The following NFAM1 variants were observed in gnomAD, a reference collection of about 807,000 sequenced individuals.
NFAM1 encodes the protein NFAT activation molecule 1.
Under a neutral mutation model 29.0 loss-of-function variants are expected in NFAM1, and 17 were observed. That is an observed-to-expected ratio of 0.59 (90% confidence interval 0.40 to 0.88). NFAM1 has a LOEUF of 0.88. NFAM1 is among the 40% of genes least tolerant of loss of function. NFAM1 has a pLI of 0.00. For synonymous variants in NFAM1, 175 were observed against 147.2 expected, an observed-to-expected ratio of 1.19 and a Z score of -1.36; for missense variants, 324 against 344.6, an observed-to-expected ratio of 0.94 and a Z score of 0.47.
intron 3 of NFAM1, among the ~76,000 whole-genome samples, chr22:42,400,586 C>T (rs1601743105): frequency 6.6e-6 from 1 of 152,310 alleles, no homozygotes; most frequent in Middle Eastern, 3.4e-3. Flanking sequence ...CATTGCACTC[C>T]AGCCTGGGCA....
chr22:42,406,722 C>T (rs1299634705), intron 3 of NFAM1, among the ~76,000 whole-genome samples: 2 of 152,206 alleles, frequency 1.3e-5, no homozygotes, highest in East Asian at 1.9e-4. Context: ...GGTGCATCGT[C>T]GGTCTCGCCT....
intron 5 of NFAM1, among the ~76,000 whole-genome samples, chr22:42,385,568 C>G (rs531373917): frequency 2.0e-5 from 3 of 152,144 alleles, no homozygotes; most frequent in African/African-American, 4.8e-5. Context: ...GCGGGCTCAT[C>G]ATAGGGTCCC....
At position 42,382,906 on chromosome 22, in the gene NFAM1, C is replaced by A; in HGVS notation, c.*2255G>T. ...CAAGCACAGACGACCACCACGCTGG[C>A]AATGTCTCTGTCCACCAGAGGGGTG... On this transcript the variant is annotated 3_prime_UTR_variant, in exon 6 of 6. Coordinates refer to ENST00000329021, the MANE Select transcript of NFAM1 (RefSeq NM_145912.8). 6.5e-6 allele frequency: 1 copy of A among 152,836 alleles called. No individual in the cohort carries two copies. Among genetic ancestry groups the A allele is most frequent in the Non-Finnish European group, 1.5e-5 (1 of 68,352 alleles). The allele number at this position is 152,836 out of a possible 1,614,324, so 9.5% of individuals were successfully genotyped here.
chr22:42,400,434 A>G (rs916400495), intron 3 of NFAM1, among the ~76,000 whole-genome samples: 1 of 152,130 alleles, frequency 6.6e-6, no homozygotes, highest in African/African-American at 2.4e-5. Context: ...CCTGGCCAAC[A>G]TAGTGAAACC....
chr22:42,393,638 G>A (rs1929423189), intron 4 of NFAM1, among the ~76,000 whole-genome samples: 1 of 146,972 alleles, frequency 6.8e-6, no homozygotes. Context: ...GGATGGTCTC[G>A]ATCTCTTGAC....
rs992369083 is a variant in NFAM1, at chr22:42,414,668, G to A, written c.122-2932C>T. 4.0e-5 allele frequency among the ~76,000 whole-genome samples: 6 copies of A among 151,510 alleles called. No individual in the cohort carries two copies. In the South Asian group the frequency reaches 6.3e-4, roughly 16 times the overall value. On this transcript the variant is annotated intron_variant, in intron 1 of 5. Transcript: ENST00000329021. ...CCAGCAGCCCTGCACAGCACTCACA[G>A]GCCACTGCCCCCTCTGTGTACCTAC...
upstream of NFAM1, among the ~76,000 whole-genome samples, chr22:42,433,061 G>C (rs1459887313): frequency 6.6e-6 from 1 of 152,200 alleles, no homozygotes; most frequent in African/African-American, 2.4e-5. Flanking sequence ...CCAACTGTGA[G>C]ACCCTCGAAC....
chr22:42,411,019 CTTTTTTTT>C (rs138369373), intron 2 of NFAM1, among the ~76,000 whole-genome samples: 49 of 121,744 alleles, frequency 4.0e-4, no homozygotes, highest in Non-Finnish European at 5.2e-4. Context: ...CTTTTCTTTT[CTTTTTTTT>C]TTTTTTTTTT....
At chr22:42,424,116 A>T (rs1423537579) in intron 1 of NFAM1, among the ~76,000 whole-genome samples, 2 of 150,968 alleles carry the variant, frequency 1.3e-5, no homozygotes, top group Non-Finnish European at 3.0e-5. Flanking sequence ...CCATCTCTTT[A>T]AAAAAAAACA....
At chr22:42,434,090 C>T (rs1486775470), upstream of NFAM1, among the ~76,000 whole-genome samples, 2 of 152,114 alleles carry the variant, frequency 1.3e-5, no homozygotes, top group Non-Finnish European at 2.9e-5. Context: ...CAGCCTGTCA[C>T]GGTGCCCCCC....
chr22:42,427,749 C>T (rs1930669057), intron 1 of NFAM1, among the ~76,000 whole-genome samples: 1 of 152,200 alleles, frequency 6.6e-6, no homozygotes, highest in Non-Finnish European at 1.5e-5. Context: ...AGAATACACA[C>T]AGTATCCTTC....
chr22:42,391,361 G>A (rs1231114260), intron 4 of NFAM1, among the ~76,000 whole-genome samples: 1 of 151,502 alleles, frequency 6.6e-6, no homozygotes, highest in Admixed American at 6.6e-5. Context: ...TTGGGGGTGG[G>A]GGTAGGGGGA....
At position 42,411,531 on chromosome 22, in the gene NFAM1, G is replaced by A. The variant is rs1930090549; in HGVS notation, c.327C>T (p.Ser109=). 1.2e-6 allele frequency: 2 copies of A among 1,614,056 alleles called. No individual in the cohort carries two copies. The highest frequency in any genetic ancestry group is 1.7e-6 in the Non-Finnish European group (2 of 1,179,994). Residue 109 remains serine, a synonymous_variant, in exon 2 of 6, where the codon AGC becomes AGT. Coordinates refer to ENST00000329021, the MANE Select transcript of NFAM1 (RefSeq NM_145912.8). ...CHPGLGTENQ[S]HTLDCQVTLV... is the part of the protein sequence containing the mutation. ...GGGTGACCTGGCAGTCCAGGGTGTG[G>A]CTCTGGTTCTCTGTGCCCAGTCCAG...
chr22:42,429,690 C>T (rs1453158102), intron 1 of NFAM1, among the ~76,000 whole-genome samples: 3 of 152,200 alleles, frequency 2.0e-5, no homozygotes, highest in Non-Finnish European at 2.9e-5. Context: ...AGCATCCTCT[C>T]GCAAGTTCAG....
intron 4 of NFAM1, among the ~76,000 whole-genome samples, chr22:42,391,922 G>A (rs546999997): frequency 1.4e-5 from 2 of 143,844 alleles, no homozygotes; most frequent in Non-Finnish European, 3.0e-5. Context: ...TCCAGCCTGG[G>A]TGACAAGAGC....
intron 1 of NFAM1, among the ~76,000 whole-genome samples, chr22:42,432,017 G>C (rs570084092): frequency 6.6e-6 from 1 of 152,146 alleles, no homozygotes; most frequent in African/African-American, 2.4e-5. Flanking sequence ...GCGAGGGAGA[G>C]AGCGCTGTCC....
chr22:42,411,222 C>A (rs1289470634), intron 2 of NFAM1, among the ~76,000 whole-genome samples, 185 bp downstream of exon 2: 5 of 152,032 alleles, frequency 3.3e-5, no homozygotes, highest in African/African-American at 1.2e-4. Flanking sequence ...CGGGGTTTCA[C>A]CATGTTGGCC....
At position 42,382,993 on chromosome 22, in the gene NFAM1, A is replaced by T. The variant is rs1434607380; in HGVS notation, c.*2168T>A. The T allele has an allele frequency of 6.6e-6, 1 of 152,422 alleles. No homozygotes were observed. The highest frequency in any genetic ancestry group is 2.4e-5 in the African/African-American group (1 of 41,428). The allele number at this position is 152,422 out of a possible 1,614,324, so 9.4% of individuals were successfully genotyped here. A position where few individuals can be genotyped will look rare whatever the true frequency, so the allele number is the denominator to read the frequency against. On this transcript the variant is annotated 3_prime_UTR_variant, in exon 6 of 6. Transcript: ENST00000329021. ...AGGAGTTGGAATTTTATTCCAAGTG[A>T]GGCAAAAACCATGCAAGGTATAGAG... is the stretch of plus-strand genomic sequence containing the variant.
At chr22:42,427,771 G>A (rs1426889202) in intron 1 of NFAM1, among the ~76,000 whole-genome samples, 1 of 152,072 alleles carries the variant, frequency 6.6e-6, no homozygotes, top group Non-Finnish European at 1.5e-5. Flanking sequence ...ATTACACAAA[G>A]TTCACAAACA....
Sources: allele counts gnomAD v4.1 joint callset (sites outside exome capture counted in the v4.1 genomes callset), GRCh38; gene constraint gnomAD v4.1.1; transcripts MANE v1.5; gene names NCBI Gene and HGNC (gene_info 2026-07-23, HGNC 2026-07-21).